Variants in CPA6 observed in about 807,000 individuals in gnomAD.
CPA6 encodes the protein carboxypeptidase A6, also known as carboxypeptidase B.
CPA6 carries 58 observed loss-of-function variants against 63.3 expected under a neutral mutation model. The ratio of observed to expected loss-of-function variants is 0.92; its 90% CI spans 0.74 to 1.14. CPA6 has a LOEUF of 1.14. Ranked by LOEUF, CPA6 falls within the 50% of genes most tolerant of loss-of-function variation. The probability of loss-of-function intolerance (pLI) is 0.00; values close to 1 mark genes in which losing one functional copy is unlikely to be tolerated. For synonymous variants in CPA6, 185 were observed against 179.0 expected (o/e 1.03, Z -0.27); for missense variants, 565 against 526.6 (o/e 1.07, Z -0.71).
chr8:67,448,883 C>A (rs775215946), intron 8 of CPA6, among the ~76,000 whole-genome samples: 1 of 151,724 alleles, frequency 6.6e-6, no homozygotes, highest in African/African-American at 2.4e-5. Flanking sequence ...GAGGAATAGC[C>A]AACTCTGTCA....
chr8:67,646,787 G>A (rs1411712599), intron 1 of CPA6, among the ~76,000 whole-genome samples: 1 of 152,116 alleles, frequency 6.6e-6, no homozygotes, highest in African/African-American at 2.4e-5. Context: ...CCAGGCAAAG[G>A]AAACACAAGC....
chr8:67,646,804 G>T lies in CPA6; in HGVS notation c.117-22553C>A, dbSNP rs531741716. Among the ~76,000 whole-genome samples, 9 of 152,266 alleles carry T rather than the reference G, an allele frequency of 5.9e-5. No homozygotes were observed. The South Asian group carries it at 1.9e-3, about 32-fold the overall frequency. On this transcript the variant is annotated intron_variant, in intron 1 of 10. Coordinates refer to ENST00000297770, the MANE Select transcript of CPA6 (RefSeq NM_020361.5). ...AGGCAAAGGAAACACAAGCGCAAAG[G>T]CCCTGAGATGGAATAGGCTTGCCCT...
intron 10 of CPA6, among the ~76,000 whole-genome samples, chr8:67,423,648 G>C (rs964369815): frequency 1.3e-5 from 2 of 152,196 alleles, no homozygotes; most frequent in Non-Finnish European, 2.9e-5. Context: ...GAGGGAGCTA[G>C]AGAAAGTCTT....
intron 3 of CPA6, among the ~76,000 whole-genome samples, chr8:67,517,119 C>G (rs1228958312): frequency 6.9e-6 from 1 of 144,300 alleles, no homozygotes; most frequent in Admixed American, 6.6e-5. Flanking sequence ...TCTTACTGCT[C>G]TAACCATTTT....
intron 1 of CPA6, among the ~76,000 whole-genome samples, chr8:67,692,250 C>T (rs1320961397): frequency 1.3e-5 from 2 of 149,122 alleles, no homozygotes; most frequent in Admixed American, 6.8e-5. Context: ...GCAGGAGAAT[C>T]GCTTGAATCC....
At chr8:67,669,609 A>G (rs1816300771) in intron 1 of CPA6, among the ~76,000 whole-genome samples, 1 of 152,200 alleles carries the variant, frequency 6.6e-6, no homozygotes, top group Non-Finnish European at 1.5e-5. Context: ...CTAGTTTCTT[A>G]GGTAACAACT....
intron 1 of CPA6, among the ~76,000 whole-genome samples, chr8:67,628,711 T>C (rs545261911): frequency 6.6e-6 from 1 of 152,388 alleles, no homozygotes; most frequent in Admixed American, 6.5e-5. Context: ...ACATCAATGA[T>C]AAGTTCTTGG....
intron 9 of CPA6, among the ~76,000 whole-genome samples, chr8:67,429,488 A>G (rs995626656): frequency 7.9e-5 from 12 of 152,188 alleles, no homozygotes; most frequent in African/African-American, 2.9e-4. Context: ...GTCCTCATTC[A>G]GCTCAGAAAT....
At chr8:67,591,155 T>A (rs1814112128) in intron 2 of CPA6, among the ~76,000 whole-genome samples, 1 of 152,166 alleles carries the variant, frequency 6.6e-6, no homozygotes, top group Admixed American at 6.5e-5. Context: ...CCTTTCCCCA[T>A]TGCTTGTTTT....
chr8:67,478,745 T>C (rs1397684428), intron 8 of CPA6, among the ~76,000 whole-genome samples: 1 of 152,170 alleles, frequency 6.6e-6, no homozygotes, highest in Admixed American at 6.5e-5. Context: ...GCTTAGAAAT[T>C]GACACCCCTG....
At chr8:67,562,723 T>C (rs1189428451) in intron 2 of CPA6, among the ~76,000 whole-genome samples, 1 of 152,194 alleles carries the variant, frequency 6.6e-6, no homozygotes, top group African/African-American at 2.4e-5. Flanking sequence ...TTCTTCCATG[T>C]AAGGACACAG....
chr8:67,695,082 T>C (rs533796402), intron 1 of CPA6, among the ~76,000 whole-genome samples: 2 of 152,234 alleles, frequency 1.3e-5, no homozygotes, highest in South Asian at 4.2e-4. Context: ...AGTGACCTCA[T>C]CAGGGGAGGA....
chr8:67,717,726 G>A (rs1481756999), intron 1 of CPA6, among the ~76,000 whole-genome samples: 1 of 152,222 alleles, frequency 6.6e-6, no homozygotes, highest in African/African-American at 2.4e-5. Flanking sequence ...ATAAAGTTAA[G>A]GATTTTGAAA....
chr8:67,594,803 A>G (rs1425034013), intron 2 of CPA6, among the ~76,000 whole-genome samples: 1 of 152,128 alleles, frequency 6.6e-6, no homozygotes, highest in Non-Finnish European at 1.5e-5. Flanking sequence ...CAAAGTTTTC[A>G]ACTTCTTTGC....
intron 1 of CPA6, among the ~76,000 whole-genome samples, chr8:67,640,899 A>T (rs990519847): frequency 2.0e-5 from 3 of 151,672 alleles, no homozygotes; most frequent in African/African-American, 7.3e-5. Context: ...CTGTGCCTTC[A>T]GCAGGGTGCT....
At chr8:67,548,050 A>G (rs1812856681) in intron 2 of CPA6, among the ~76,000 whole-genome samples, 1 of 151,056 alleles carries the variant, frequency 6.6e-6, no homozygotes, top group South Asian at 2.1e-4. Context: ...AGACCAGGGA[A>G]CTTCACTTTT....
intron 2 of CPA6, among the ~76,000 whole-genome samples, chr8:67,522,079 G>A (rs2128967484): frequency 6.6e-6 from 1 of 152,146 alleles, no homozygotes; most frequent in East Asian, 1.9e-4. Flanking sequence ...ACAGCCTGAA[G>A]CCTGAAAACC....
chr8:67,704,619 C>T (rs548360658), intron 1 of CPA6, among the ~76,000 whole-genome samples: 2 of 152,222 alleles, frequency 1.3e-5, no homozygotes, highest in Non-Finnish European at 2.9e-5. Context: ...CATTGTGGAA[C>T]CCCAAGGATG....
chr8:67,524,576 G>A (rs1380110807), intron 2 of CPA6, among the ~76,000 whole-genome samples: 3 of 151,288 alleles, frequency 2.0e-5, no homozygotes, highest in Admixed American at 6.6e-5. Context: ...TGTCCAGGAT[G>A]ACCTCATCTC....
Sources: gnomAD v4.1 joint callset for allele counts (sites outside exome capture counted in the v4.1 genomes callset) on GRCh38, gnomAD v4.1.1 for gene constraint, MANE v1.5 for transcripts, NCBI Gene and HGNC (gene_info 2026-07-23, HGNC 2026-07-21) for gene names.